TMEM164: variants seen among roughly 807,000 people sequenced by gnomAD.
TMEM164 encodes the protein RP13-360B22.2.
A neutral mutation model predicts 18.8 loss-of-function variants in TMEM164; 4 were observed. The observed-to-expected ratio is 0.21, with a 90% CI of 0.10 to 0.49. The LOEUF (loss-of-function observed/expected upper bound fraction) is 0.49. Ranked by LOEUF, TMEM164 falls within the 20% of genes least tolerant of loss-of-function variation. The pLI is 0.98. For missense variants in TMEM164, 108 were observed against 239.9 expected (o/e 0.45, Z 3.63); for synonymous variants, 86 against 101.7 (o/e 0.85, Z 0.93).
chrX:110,169,176 A>T (rs2067197414), intron 5 of TMEM164, among the ~76,000 whole-genome samples: 1 of 111,668 alleles, frequency 9.0e-6, no homozygotes, highest in African/African-American at 3.3e-5. Context: ...TGGATATTCC[A>T]CATACACCTC....
intron 5 of TMEM164, among the ~76,000 whole-genome samples, chrX:110,149,972 G>C (rs1428120536): frequency 9.0e-6 from 1 of 111,569 alleles, no homozygotes. Flanking sequence ...TGACCACTGG[G>C]GTGCCCTGAT....
At chrX:110,011,223 T>A (rs1465327023) in intron 2 of TMEM164, among the ~76,000 whole-genome samples, 2 of 112,370 alleles carry the variant, frequency 1.8e-5, no homozygotes, top group African/African-American at 6.5e-5. Flanking sequence ...TTGCCTTCAT[T>A]TTGTTCACAG....
intron 5 of TMEM164, among the ~76,000 whole-genome samples, chrX:110,158,807 C>G (rs753343982): frequency 1.2e-4 from 13 of 111,823 alleles, no homozygotes; most frequent in Non-Finnish European, 2.4e-4. Context: ...CACATGCTGC[C>G]CATTACAAAG....
At chrX:110,021,641 G>C (rs1194588788) in intron 2 of TMEM164, among the ~76,000 whole-genome samples, 1 of 111,134 alleles carries the variant, frequency 9.0e-6, no homozygotes, top group African/African-American at 3.3e-5. Context: ...TAGTTGAGAA[G>C]GGACAAATGG....
At chrX:110,178,541 G>GTGCA (rs2067310967), downstream of TMEM164, among the ~76,000 whole-genome samples, 2 of 112,474 alleles carry the variant, frequency 1.8e-5, no homozygotes, top group Admixed American at 9.3e-5. Context: ...ACCCTGGGCA[G>GTGCA]TCTTTGTACA....
intron 2 of TMEM164, among the ~76,000 whole-genome samples, chrX:110,039,586 T>C (rs1441478592): frequency 8.9e-6 from 1 of 112,026 alleles, no homozygotes; most frequent in Non-Finnish European, 1.9e-5. Flanking sequence ...CCCAGGAAAA[T>C]AGCCTCTACT....
chrX:110,161,785 G>A (rs776181629), intron 5 of TMEM164, among the ~76,000 whole-genome samples: 13 of 111,953 alleles, frequency 1.2e-4, no homozygotes, highest in Admixed American at 2.8e-4. Context: ...ATCCTGAAGC[G>A]CTTGTTACTA....
intron 2 of TMEM164, among the ~76,000 whole-genome samples, chrX:110,045,565 G>C (rs1314419626): frequency 8.9e-6 from 1 of 111,950 alleles, no homozygotes; most frequent in Non-Finnish European, 1.9e-5. Context: ...TGCCTCCCTG[G>C]CTTAGGTTGA....
intron 4 of TMEM164, among the ~76,000 whole-genome samples, chrX:110,125,046 T>G (rs1289834852): frequency 8.9e-6 from 1 of 112,407 alleles, no homozygotes; most frequent in East Asian, 2.8e-4. Flanking sequence ...GCCAAATCAC[T>G]GTTCCAGTCT....
At chrX:110,012,295 C>G (rs193211898) in intron 2 of TMEM164, among the ~76,000 whole-genome samples, 1 of 111,922 alleles carries the variant, frequency 8.9e-6, no homozygotes, top group African/African-American at 3.2e-5. Context: ...CCACCCCACA[C>G]AAGTTCCAAA....
chrX:110,136,442 T>C (rs1175585306), intron 4 of TMEM164, among the ~76,000 whole-genome samples: 1 of 112,213 alleles, frequency 8.9e-6, no homozygotes, highest in Non-Finnish European at 1.9e-5. Context: ...AGTTGTAAAC[T>C]GTGAATTGCA....
At chrX:110,102,918 CTACTTA>C (rs1394301094) in intron 3 of TMEM164, among the ~76,000 whole-genome samples, 5 of 111,994 alleles carry the variant, frequency 4.5e-5, no homozygotes, top group Admixed American at 9.5e-5. Context: ...ATACTGTGTC[CTACTTA>C]TACTTATCTT....
At chrX:110,014,744 CTTTTTTTTTT>C (rs142705177) in intron 2 of TMEM164, among the ~76,000 whole-genome samples, 5 of 54,213 alleles carry the variant, frequency 9.2e-5, no homozygotes, top group Non-Finnish European at 9.6e-5. Flanking sequence ...TTGGTTGTTT[CTTTTTTTTTT>C]TTTTTTTTTT....
rs182888466 is a variant in TMEM164 at position 110,110,788 on chromosome X, G to A, written c.507+1642G>A. ...CATTCTTGGAGAATCACTGTCCCAG[G>A]TGTTCGTAACTCACAGTTACTCCAA... On this transcript the variant is annotated intron_variant, in intron 4 of 6. Coordinates refer to ENST00000372068, the MANE Select transcript of TMEM164 (RefSeq NM_032227.4). 2.8e-3 allele frequency among the ~76,000 whole-genome samples: 315 copies of A among 112,242 alleles called. 3 individuals carry two copies. Among genetic ancestry groups the A allele is most frequent in the African/African-American group, 9.9e-3 (307 of 30,902 alleles).
Position 110,003,593 on chromosome X carries a change from C to A in TMEM164, c.-182C>A. 1 of 493,719 alleles carries A rather than the reference C, an allele frequency of 2.0e-6. No individual in the cohort carries two copies. Among genetic ancestry groups the A allele is most frequent in the Non-Finnish European group, 3.2e-6 (1 of 309,060 alleles). The allele number at this position is 493,719 out of a possible 1,213,427, so 40.7% of individuals were successfully genotyped here. ...AGACAGCCGTGGGGACAAGTTAGAG[C>A]CAGCACTTTACCCCGGGCCTTGCGT... On this transcript the variant is annotated 5_prime_UTR_variant, in exon 2 of 7. Coordinates refer to ENST00000372068, the MANE Select transcript of TMEM164 (RefSeq NM_032227.4).
At chrX:110,120,213 G>A (rs1259297193) in intron 4 of TMEM164, among the ~76,000 whole-genome samples, 1 of 112,363 alleles carries the variant, frequency 8.9e-6, no homozygotes, top group Non-Finnish European at 1.9e-5. Flanking sequence ...TTACTAGTTT[G>A]CCTTGGCCCT....
intron 4 of TMEM164, among the ~76,000 whole-genome samples, chrX:110,119,875 C>T (rs1179221053): frequency 1.8e-5 from 2 of 111,956 alleles, no homozygotes; most frequent in Non-Finnish European, 3.8e-5. Flanking sequence ...CCCCAACTCC[C>T]TGAGCTTTTC....
Position 110,061,403 on chromosome X carries a change from G to C in TMEM164, c.391-5944G>C, listed in dbSNP as rs532969042. 8.7e-4 allele frequency among the ~76,000 whole-genome samples: 37 copies of C among 42,315 alleles called. No individual in the cohort carries two copies. The South Asian group carries it at 0.021, about 24-fold the overall frequency. 36.7% of individuals were successfully genotyped at this position (42,315 alleles called of 115,157 possible). On this transcript the variant is annotated intron_variant, in intron 2 of 6. Coordinates refer to ENST00000372068, the MANE Select transcript of TMEM164 (RefSeq NM_032227.4). ...GATCCAAGTTTGTCTTAACTCTAAA[G>C]CCTGTATTCTTTAACCACTTGGCAA...
chrX:110,017,483 C>T (rs190881975), intron 2 of TMEM164, among the ~76,000 whole-genome samples: 55 of 6,115 alleles, frequency 9.0e-3, no homozygotes, highest in South Asian at 0.027. Flanking sequence ...TCCCTCCCTC[C>T]CTCCCTCCCT....
Sources: gnomAD v4.1 joint callset for allele counts (sites outside exome capture counted in the v4.1 genomes callset) on GRCh38, gnomAD v4.1.1 for gene constraint, MANE v1.5 for transcripts, NCBI Gene and HGNC (gene_info 2026-07-23, HGNC 2026-07-21) for gene names.